The following ENTREP2 variants were observed in gnomAD, a reference collection of about 807,000 sequenced individuals.
ENTREP2 encodes the protein protein ENTREP2.
At chr15:29,639,767 G>GTTTTTTTT in the ENTREP2 span, among the ~76,000 whole-genome samples, 1 of 137,478 alleles carries the variant, frequency 7.3e-6, no homozygotes, top group African/African-American at 3.2e-5. Flanking sequence ...GTTTTTGTTT[G>GTTTTTTTT]CTTTTTTTTT....
chr15:29,659,861 A>G, the ENTREP2 span, among the ~76,000 whole-genome samples: 1 of 151,216 alleles, frequency 6.6e-6, no homozygotes, highest in Non-Finnish European at 1.5e-5. Flanking sequence ...CAGTGGTGCT[A>G]TATGTCAGCT....
chr15:29,240,192 GTC>G, the ENTREP2 span, among the ~76,000 whole-genome samples: 1 of 150,698 alleles, frequency 6.6e-6, no homozygotes, highest in East Asian at 1.9e-4. Flanking sequence ...TAGAAACCCT[GTC>G]TCTACTAAAA....
chr15:29,143,991 C>T, the ENTREP2 span, among the ~76,000 whole-genome samples: 4 of 152,096 alleles, frequency 2.6e-5, no homozygotes, highest in Admixed American at 1.3e-4. Context: ...ACACATTTCG[C>T]CTGGAACTAA....
At chr15:29,614,680 G>A in the ENTREP2 span, among the ~76,000 whole-genome samples, 1 of 152,104 alleles carries the variant, frequency 6.6e-6, no homozygotes, top group South Asian at 2.1e-4. Flanking sequence ...AGAACCAACC[G>A]GGTGCTGAAA....
the ENTREP2 span, chr15:29,613,728 C>A: frequency 1.2e-3 from 208 of 168,448 alleles, 1 homozygote; most frequent in African/African-American, 4.6e-3. Context: ...TGCGTGGGGT[C>A]ACCACCTTCC....
the ENTREP2 span, among the ~76,000 whole-genome samples, chr15:29,314,437 A>T: frequency 6.6e-6 from 1 of 152,232 alleles, no homozygotes; most frequent in African/African-American, 2.4e-5. Flanking sequence ...AGCCATCAGC[A>T]TCTAGGCAAG....
At chr15:29,146,931 T>C in the ENTREP2 span, among the ~76,000 whole-genome samples, 49 of 151,212 alleles carry the variant, frequency 3.2e-4, no homozygotes, top group Admixed American at 9.9e-4. Flanking sequence ...CAAGACTCCA[T>C]CTTGGGGAAA....
chr15:29,457,499 G>A, the ENTREP2 span, among the ~76,000 whole-genome samples: 4 of 152,200 alleles, frequency 2.6e-5, no homozygotes, highest in Admixed American at 6.5e-5. Flanking sequence ...TGGCCCTGGT[G>A]CCTGCTGGAA....
the ENTREP2 span, among the ~76,000 whole-genome samples, chr15:29,431,565 C>G: frequency 1.3e-5 from 2 of 152,090 alleles, no homozygotes; most frequent in African/African-American, 4.8e-5. Flanking sequence ...GTGAAACCCT[C>G]TCCCAAAATT....
At chr15:29,172,861 G>A in the ENTREP2 span, among the ~76,000 whole-genome samples, 8 of 152,218 alleles carry the variant, frequency 5.3e-5, no homozygotes, top group African/African-American at 1.7e-4. Flanking sequence ...TGGCCTCCCA[G>A]TACCTCAGGT....
chr15:29,315,533 A>T, the ENTREP2 span, among the ~76,000 whole-genome samples: 1 of 152,204 alleles, frequency 6.6e-6, no homozygotes, highest in Admixed American at 6.5e-5. Context: ...AGAAAAATAC[A>T]CATCTGTTTC....
chr15:29,343,004 C>G, the ENTREP2 span, among the ~76,000 whole-genome samples: 1 of 131,688 alleles, frequency 7.6e-6, no homozygotes, highest in Non-Finnish European at 1.6e-5. Context: ...GCAAAGAATA[C>G]TATATGAGCT....
At chr15:29,377,731 G>T in the ENTREP2 span, among the ~76,000 whole-genome samples, 1 of 151,758 alleles carries the variant, frequency 6.6e-6, no homozygotes, top group African/African-American at 2.4e-5. Context: ...TGAGGCAAGA[G>T]AATCGCTTGA....
the ENTREP2 span, among the ~76,000 whole-genome samples, chr15:29,274,166 A>G: frequency 6.6e-6 from 1 of 152,208 alleles, no homozygotes. Flanking sequence ...TCCTCCACAG[A>G]CAAGGGGGGA....
chr15:29,351,345 T>C, the ENTREP2 span, among the ~76,000 whole-genome samples: 1 of 152,364 alleles, frequency 6.6e-6, no homozygotes, highest in Admixed American at 6.5e-5. Context: ...TGGACCATTA[T>C]AGACATCATT....
At chr15:29,591,848 AG>A in the ENTREP2 span, among the ~76,000 whole-genome samples, 1 of 13,410 alleles carries the variant, frequency 7.5e-5, no homozygotes, top group East Asian at 2.1e-3. Flanking sequence ...AAGAAGAAGA[AG>A]AAGAAGAAGA....
the ENTREP2 span, among the ~76,000 whole-genome samples, chr15:29,285,849 G>C: frequency 6.6e-6 from 1 of 152,176 alleles, no homozygotes; most frequent in African/African-American, 2.4e-5. Flanking sequence ...GATTCAGCTT[G>C]AGCAAGCTGA....
At chr15:29,602,274 T>C in the ENTREP2 span, among the ~76,000 whole-genome samples, 2 of 152,202 alleles carry the variant, frequency 1.3e-5, no homozygotes, top group African/African-American at 2.4e-5. Flanking sequence ...AAATACTCGA[T>C]AAATATTTAC....
At chr15:29,425,328 C>A in the ENTREP2 span, among the ~76,000 whole-genome samples, 1 of 152,110 alleles carries the variant, frequency 6.6e-6, no homozygotes, top group African/African-American at 2.4e-5. Context: ...TGAGCCACCA[C>A]GCCTGGCTTT....
Sources: allele counts gnomAD v4.1 joint callset (sites outside exome capture counted in the v4.1 genomes callset), GRCh38; gene constraint gnomAD v4.1.1; transcripts MANE v1.5; gene names NCBI Gene and HGNC (gene_info 2026-07-23, HGNC 2026-07-21).